The following SNX30 variants were observed in gnomAD, a reference collection of about 807,000 sequenced individuals.
SNX30 encodes the protein sorting nexin family member 30.
SNX30 carries 24 observed loss-of-function variants against 46.4 expected under a neutral mutation model. The observed-to-expected ratio is 0.52, with a 90% confidence interval of 0.37 to 0.73. SNX30 has a LOEUF of 0.73. Among genes scored for constraint, SNX30 ranks in the 30% least tolerant of loss-of-function variants. The probability of loss-of-function intolerance (pLI) is 0.00; values close to 1 mark genes in which losing one functional copy is unlikely to be tolerated. For missense variants in SNX30, 533 were observed against 555.7 expected (o/e 0.96, Z 0.41); for synonymous variants, 189 against 211.5 (o/e 0.89, Z 0.92).
intron 8 of SNX30, chr9:112,866,564 T>A: frequency 2.1e-6 from 1 of 469,882 alleles, no homozygotes; most frequent in South Asian, 1.6e-5. Flanking sequence ...CTTCCGTATA[T>A]AAGGTGGGCT....
At chr9:112,815,660 C>CA (rs1204786231) in intron 2 of SNX30, among the ~76,000 whole-genome samples, 4 of 152,156 alleles carry the variant, frequency 2.6e-5, no homozygotes, top group Non-Finnish European at 5.9e-5. Flanking sequence ...TGCGCCCAGC[C>CA]AATAATCGTG....
chr9:112,838,757 A>G (rs1246847508), intron 6 of SNX30, 60 bp downstream of exon 6: 2 of 1,511,646 alleles, frequency 1.3e-6, no homozygotes, highest in African/African-American at 2.7e-5. Context: ...GTTATCAGAA[A>G]GTAATGGATT....
At chr9:112,834,994 A>G (rs1246432556) in intron 4 of SNX30, among the ~76,000 whole-genome samples, 1 of 152,196 alleles carries the variant, frequency 6.6e-6, no homozygotes, top group Non-Finnish European at 1.5e-5. Context: ...TAGAGACCTC[A>G]GCCTGAAATT....
intron 7 of SNX30, among the ~76,000 whole-genome samples, chr9:112,857,755 CGCAT>C (rs71957119): frequency 0.36 from 54,315 of 149,630 alleles, 10,252 homozygotes; most frequent in Middle Eastern, 0.43. Context: ...AGCTCAGTAA[CGCAT>C]GCATGCATGC....
intron 4 of SNX30, 22 bp downstream of exon 4, chr9:112,830,905 C>G (rs1222202197): frequency 1.9e-6 from 3 of 1,590,650 alleles, no homozygotes; most frequent in East Asian, 2.2e-5. Flanking sequence ...AATTTACATC[C>G]TCTTCGTCCA....
rs139781990 is a variant in SNX30 at position 112,822,536 on chromosome 9, G to GTTTTTTTTTTTT, written c.459+4725_459+4726insTTTTTTTTTTTT. ...TTTTCTTTTGTCCCTTTGCTGTTTT[G>GTTTTTTTTTTTT]TTTTGTTTTTTTTTTTTGTAAGAAC... On this transcript the variant is annotated intron_variant, in intron 3 of 8. Transcript: ENST00000374232. 7.3e-5 allele frequency among the ~76,000 whole-genome samples: 9 copies of GTTTTTTTTTTTT among 123,724 alleles called. 1 individual carries two copies. Among genetic ancestry groups the GTTTTTTTTTTTT allele is most frequent in the Non-Finnish European group, 9.8e-5 (6 of 60,952 alleles). 81.2% of individuals were successfully genotyped at this position (123,724 alleles called of 152,430 possible). A position where few individuals can be genotyped will look rare whatever the true frequency, so the allele number is the denominator to read the frequency against.
intron 8 of SNX30, among the ~76,000 whole-genome samples, chr9:112,866,944 ATTC>A (rs1841359346): frequency 1.3e-4 from 19 of 142,230 alleles, no homozygotes; most frequent in Middle Eastern, 5.2e-3. Context: ...CCTCCTCAGA[ATTC>A]CTCCTCCCTC....
chr9:112,836,183 T>C (rs1354988659), intron 4 of SNX30, 31 bp from the exon 5 acceptor site: 1 of 1,556,558 alleles, frequency 6.4e-7, no homozygotes, highest in Non-Finnish European at 8.8e-7. Flanking sequence ...AGTGAGTGAG[T>C]GCTTTGAGCT....
chr9:112,805,904 A>C (rs926677922), intron 2 of SNX30, among the ~76,000 whole-genome samples: 4 of 152,252 alleles, frequency 2.6e-5, no homozygotes, highest in African/African-American at 9.6e-5. Context: ...TTGTAGGACT[A>C]TACAGCCTAT....
Position 112,864,378 on chromosome 9 carries a change from G to A in SNX30, c.1233G>A (p.Lys411=), listed in dbSNP as rs184866762. ...FRQLLMGMAD[K]NIQYYEKCLM... The stretch of plus-strand genomic sequence containing the variant: ...AGCTACTCATGGGGATGGCTGACAA[G>A]AACATCCAGTATTATGAGAAGGTAA... Residue 411 remains lysine (K), a synonymous_variant, in exon 8 of 9, where the codon AAG becomes AAA. Coordinates refer to ENST00000374232, the MANE Select transcript of SNX30 (RefSeq NM_001012994.2). The A allele has an allele frequency of 8.7e-6, 14 of 1,614,192 alleles. No individual in the cohort carries two copies. Among genetic ancestry groups the A allele is most frequent in the African/African-American group, 1.3e-5 (1 of 75,058 alleles).
chr9:112,754,625 C>T (rs181792491), intron 1 of SNX30, among the ~76,000 whole-genome samples: 3 of 152,156 alleles, frequency 2.0e-5, no homozygotes, highest in African/African-American at 4.8e-5. Context: ...TGGCTGGTCT[C>T]GAACTTCTGA....
chr9:112,823,229 C>T (rs1219201013), intron 3 of SNX30, among the ~76,000 whole-genome samples: 1 of 152,180 alleles, frequency 6.6e-6, no homozygotes, highest in African/African-American at 2.4e-5. Flanking sequence ...GGTTCAATAC[C>T]ATCCATGGCT....
chr9:112,751,244 C>A, intron 1 of SNX30, 87 bp downstream of exon 1: 1 of 1,274,178 alleles, frequency 7.8e-7, no homozygotes, highest in South Asian at 2.2e-5. Flanking sequence ...GGGCCTGGGG[C>A]CGCGCCCACC....
At chr9:112,853,233 G>C (rs1334137926) in intron 7 of SNX30, among the ~76,000 whole-genome samples, 1 of 152,216 alleles carries the variant, frequency 6.6e-6, no homozygotes, top group Admixed American at 6.5e-5. Context: ...TGGAACTGTA[G>C]TCACTGGCCC....
intron 4 of SNX30, among the ~76,000 whole-genome samples, chr9:112,832,187 G>A (rs949318566): frequency 7.2e-5 from 11 of 151,768 alleles, no homozygotes; most frequent in Non-Finnish European, 1.5e-5. Context: ...CCCCCTACAG[G>A]TTGGACAGGT....
intron 2 of SNX30, among the ~76,000 whole-genome samples, chr9:112,809,593 C>T (rs115524767): frequency 4.6e-5 from 7 of 151,992 alleles, no homozygotes; most frequent in African/African-American, 1.4e-4. Context: ...AGTCATAACA[C>T]CCCAACTAGT....
chr9:112,796,501 A>G (rs1401677879), intron 1 of SNX30, among the ~76,000 whole-genome samples: 1 of 152,186 alleles, frequency 6.6e-6, no homozygotes, highest in African/African-American at 2.4e-5. Flanking sequence ...TGGACTCTGC[A>G]GTCACGTCCA....
chr9:112,829,559 G>C (rs1840629894), intron 3 of SNX30, among the ~76,000 whole-genome samples: 1 of 152,246 alleles, frequency 6.6e-6, no homozygotes, highest in Non-Finnish European at 1.5e-5. Flanking sequence ...TGGGATTACA[G>C]GCATGAGCCA....
downstream of SNX30, among the ~76,000 whole-genome samples, chr9:112,884,332 G>A (rs1841619335): frequency 6.6e-6 from 1 of 152,212 alleles, no homozygotes; most frequent in Non-Finnish European, 1.5e-5. Context: ...TATGTCATTG[G>A]AATGTAGCTT....
Sources: gnomAD v4.1 joint callset for allele counts (sites outside exome capture counted in the v4.1 genomes callset) on GRCh38, gnomAD v4.1.1 for gene constraint, MANE v1.5 for transcripts, NCBI Gene and HGNC (gene_info 2026-07-23, HGNC 2026-07-21) for gene names.